The following SLC25A18 variants were observed in gnomAD, a reference collection of about 807,000 sequenced individuals.
The protein encoded by SLC25A18 is solute carrier family 25 member 18.
A neutral mutation model predicts 31.1 loss-of-function variants in SLC25A18; 24 were observed. The observed-to-expected ratio is 0.77, with a 90% confidence interval of 0.56 to 1.08. The LOEUF (loss-of-function observed/expected upper bound fraction) is 1.08. Among genes scored for constraint, SLC25A18 ranks in the 50% least tolerant of loss-of-function variants. The pLI, the probability that SLC25A18 is intolerant of heterozygous loss-of-function variation, is 0.00. For missense variants in SLC25A18, 371 were observed against 418.5 expected (o/e 0.89, Z 0.99); for synonymous variants, 173 against 161.9 (o/e 1.07, Z -0.52).
intron 5 of SLC25A18, 154 bp downstream of exon 5, chr22:17,581,567 C>CATACGAGAT: frequency 1.3e-6 from 1 of 787,304 alleles, no homozygotes; most frequent in Admixed American, 2.6e-5. Flanking sequence ...GAGACAGAGG[C>CATACGAGAT]AGCTCTGGGT....
chr22:17,589,458 G>C (rs140809521), intron 9 of SLC25A18, 132 bp from the exon 10 acceptor site: 123 of 705,522 alleles, frequency 1.7e-4, no homozygotes, highest in Non-Finnish European at 2.2e-4. Flanking sequence ...TTACAGGCGT[G>C]AGCCACTGCG....
chr22:17,578,375 T>C (rs2057286635), intron 2 of SLC25A18, among the ~76,000 whole-genome samples: 1 of 152,234 alleles, frequency 6.6e-6, no homozygotes, highest in South Asian at 2.1e-4. Flanking sequence ...AATGGATTAG[T>C]GTAGCACCAA....
chr22:17,578,246 C>G (rs1226919771), intron 2 of SLC25A18, among the ~76,000 whole-genome samples: 1 of 152,192 alleles, frequency 6.6e-6, no homozygotes, highest in African/African-American at 2.4e-5. Context: ...GTTGGAATTA[C>G]AGGCGTGAGC....
intron 7 of SLC25A18, 135 bp downstream of exon 7, chr22:17,583,669 C>T: frequency 1.7e-6 from 2 of 1,176,054 alleles, no homozygotes; most frequent in Non-Finnish European, 2.3e-6. Context: ...TTTGGCCAGG[C>T]ATGGTGGCTC....
intron 3 of SLC25A18, 73 bp downstream of exon 3, chr22:17,580,037 C>T: frequency 6.8e-7 from 1 of 1,471,676 alleles, no homozygotes; most frequent in Non-Finnish European, 9.4e-7. Flanking sequence ...GATAGCACAT[C>T]CAGGTTTCTG....
At chr22:17,580,435 T>A in intron 3 of SLC25A18, 6 of 679,650 alleles carry the variant, frequency 8.8e-6, no homozygotes, top group Non-Finnish European at 1.1e-5. Flanking sequence ...TGGGGGGCCA[T>A]GTTATCTAAA....
chr22:17,570,651 A>AT (rs71315386), intron 2 of SLC25A18, among the ~76,000 whole-genome samples: 16 of 151,618 alleles, frequency 1.1e-4, no homozygotes, highest in Non-Finnish European at 1.8e-4. Context: ...TGCCTGGCTA[A>AT]TTTTTTTTTC....
intron 2 of SLC25A18, among the ~76,000 whole-genome samples, chr22:17,574,830 T>TTTATTA (rs139929656): frequency 0.025 from 3,442 of 137,844 alleles, 232 homozygotes; most frequent in African/African-American, 0.093. Flanking sequence ...CAATGTTCCC[T>TTTATTA]TTATTATTAT....
chr22:17,578,701 C>T (rs930734278), intron 2 of SLC25A18, among the ~76,000 whole-genome samples: 2 of 152,104 alleles, frequency 1.3e-5, no homozygotes, highest in African/African-American at 2.4e-5. Context: ...GAGCCTGAGG[C>T]GAGTGGATCA....
intron 7 of SLC25A18, among the ~76,000 whole-genome samples, chr22:17,584,916 TTTTG>T (rs1418301297): frequency 1.3e-5 from 2 of 152,176 alleles, no homozygotes; most frequent in South Asian, 2.1e-4. Context: ...ATTCCCATTC[TTTTG>T]TTTTTTTCTT....
intron 1 of SLC25A18, among the ~76,000 whole-genome samples, chr22:17,567,322 A>G (rs174368): frequency 0.34 from 51,366 of 152,040 alleles, 8,808 homozygotes; most frequent in South Asian, 0.4. Context: ...GCTAGTAAGC[A>G]GTAAACTAAG....
intron 3 of SLC25A18, 51 bp downstream of exon 3, chr22:17,580,015 A>G (rs2057331289): frequency 1.3e-6 from 2 of 1,570,898 alleles, no homozygotes; most frequent in Non-Finnish European, 1.7e-6. Context: ...CCTGGCGGAG[A>G]GTCGCTGTGG....
intron 2 of SLC25A18, among the ~76,000 whole-genome samples, chr22:17,571,363 G>A (rs1360400557): frequency 6.6e-6 from 1 of 152,188 alleles, no homozygotes; most frequent in African/African-American, 2.4e-5. Flanking sequence ...AAAGCTATGT[G>A]ATCTGAGGAG....
intron 5 of SLC25A18, 45 bp downstream of exon 5, chr22:17,581,458 C>T: frequency 6.2e-7 from 1 of 1,603,528 alleles, no homozygotes; most frequent in South Asian, 1.1e-5. Flanking sequence ...CAGGTGTGAG[C>T]GTATGGGACA....
In SLC25A18 at chr22:17,579,827, C is replaced by G. The variant is rs532965694; in HGVS notation, c.-118C>G. 1.9e-5 allele frequency: 29 copies of G among 1,496,846 alleles called. No individual in the cohort carries two copies. The South Asian group carries it at 3.7e-4, about 19-fold the overall frequency. The allele number at this position is 1,496,846 out of a possible 1,614,324, so 92.7% of individuals were successfully genotyped here. ...GCTGCACTCAAAACCCGTGCTCTGT[C>G]CACACTGCTACGGGGCCAGAGCCAA... On this transcript the variant is annotated 5_prime_UTR_variant, in exon 3 of 11. Transcript: ENST00000327451.
rs1261858166 is a variant in SLC25A18 at position 17,579,937 on chromosome 22, C to A, written c.-8C>A. 2 of 1,610,160 alleles carry A rather than the reference C, an allele frequency of 1.2e-6. No individual in the cohort carries two copies. Among genetic ancestry groups the A allele is most frequent in the Non-Finnish European group, 1.7e-6 (2 of 1,178,796 alleles). ...GCCTTGTGTCCTGGGATCCCCAGCC[C>A]CTGCAGAATGACCCACCAGGATCTG... On this transcript the variant is annotated 5_prime_UTR_variant, in exon 3 of 11. Coordinates refer to ENST00000327451, the MANE Select transcript of SLC25A18 (RefSeq NM_031481.3).
chr22:17,569,450 G>C (rs968437431), intron 1 of SLC25A18: 1 of 233,062 alleles, frequency 4.3e-6, no homozygotes, highest in Non-Finnish European at 7.0e-6. Flanking sequence ...CTGCAGGGAG[G>C]ATGCCTCCCA....
chr22:17,584,446 G>GGA (rs60872688), intron 7 of SLC25A18, among the ~76,000 whole-genome samples: 2,000 of 116,848 alleles, frequency 0.017, 32 homozygotes, highest in African/African-American at 0.027. Flanking sequence ...AAGGAAGGAA[G>GGA]GAGAGAGAGA....
chr22:17,565,945 A>T (rs1455513340), intron 1 of SLC25A18, among the ~76,000 whole-genome samples: 1 of 152,020 alleles, frequency 6.6e-6, no homozygotes, highest in Non-Finnish European at 1.5e-5. Context: ...CTCCCACCTC[A>T]GCCTCCCAAA....
Sources: gnomAD v4.1 joint callset for allele counts (sites outside exome capture counted in the v4.1 genomes callset) on GRCh38, gnomAD v4.1.1 for gene constraint, MANE v1.5 for transcripts, NCBI Gene and HGNC (gene_info 2026-07-23, HGNC 2026-07-21) for gene names.